TRIM36: variants seen among roughly 807,000 people sequenced by gnomAD.
The protein encoded by TRIM36 is tripartite motif containing 36.
In TRIM36, 42 loss-of-function variants were observed where a neutral mutation model predicts 72.4. The observed-to-expected ratio is 0.58, with a 90% CI of 0.45 to 0.75. The LOEUF (loss-of-function observed/expected upper bound fraction) is 0.75, where lower values mean the gene tolerates loss of function less well. Ranked by LOEUF, TRIM36 falls within the 30% of genes least tolerant of loss-of-function variation. TRIM36 has a pLI of 0.00. For synonymous variants in TRIM36, 315 were observed against 282.8 expected (o/e 1.11, Z -1.14); for missense variants, 913 against 857.1 (o/e 1.07, Z -0.81).
intron 2 of TRIM36, among the ~76,000 whole-genome samples, chr5:115,150,323 TAATTAA>T (rs1311050797): frequency 1.3e-5 from 2 of 152,224 alleles, no homozygotes; most frequent in Non-Finnish European, 2.9e-5. Flanking sequence ...TTTTAAAATT[TAATTAA>T]AATTAAGTAA....
intron 2 of TRIM36, among the ~76,000 whole-genome samples, chr5:115,163,130 T>C (rs1580699026): frequency 6.6e-6 from 1 of 152,102 alleles, no homozygotes; most frequent in African/African-American, 2.4e-5. Flanking sequence ...GCTCATTTTG[T>C]ATTTTTAGTA....
At chr5:115,175,252 A>G (rs1381177645) in intron 1 of TRIM36, among the ~76,000 whole-genome samples, 1 of 152,102 alleles carries the variant, frequency 6.6e-6, no homozygotes, top group African/African-American at 2.4e-5. Flanking sequence ...CACAATGTGG[A>G]TATAAGGTGT....
intron 2 of TRIM36, among the ~76,000 whole-genome samples, chr5:115,155,773 C>A (rs1314408221): frequency 6.6e-6 from 1 of 152,160 alleles, no homozygotes; most frequent in African/African-American, 2.4e-5. Flanking sequence ...GATGCCCACT[C>A]TTACCACCCT....
At chr5:115,136,443 C>A (rs1234235063) in intron 7 of TRIM36, among the ~76,000 whole-genome samples, 1 of 152,274 alleles carries the variant, frequency 6.6e-6, no homozygotes, top group South Asian at 2.1e-4. Flanking sequence ...CAAAATGAAT[C>A]TGTTTTGAGT....
Position 115,133,918 on chromosome 5 carries a change from C to G in TRIM36, c.1440G>C (p.Lys480Asn), listed in dbSNP as rs749484578. ...TGCTGCAAGGACTACAGATTGAACCCTTGTAAGCTCTTACTCTGAAAGCAT... is the reference window on the plus strand; with the variant it reads ...TGCTGCAAGGACTACAGATTGAACCGTTGTAAGCTCTTACTCTGAAAGCAT... ...STYAFRVRAY[K>N]GSICSPCSRE... The change falls in exon 8 of 10, where the codon AAG becomes AAC. Residue 480 changes from lysine to asparagine, a missense_variant. By Grantham distance (94) the Lys-to-Asn change is moderately conservative. Coordinates refer to ENST00000513154, the MANE Select transcript of TRIM36 (RefSeq NM_001300759.2). 6.2e-7 allele frequency: 1 copy of G among 1,613,354 alleles called. No homozygotes were observed. The highest frequency in any genetic ancestry group is 1.1e-5 in the South Asian group (1 of 90,886).
upstream of TRIM36, among the ~76,000 whole-genome samples, chr5:115,172,295 G>T (rs966686330): frequency 6.6e-6 from 1 of 152,080 alleles, no homozygotes; most frequent in Admixed American, 6.5e-5. Flanking sequence ...ATCTAAGAAT[G>T]TTCCTACTGT....
intron 1 of TRIM36, chr5:115,177,976 C>A: frequency 8.4e-7 from 1 of 1,188,100 alleles, no homozygotes; most frequent in Non-Finnish European, 1.2e-6. Context: ...CTGTGATGAA[C>A]CCATTGGTAT....
chr5:115,134,096 G>A lies in TRIM36; in HGVS notation c.1262C>T (p.Ala421Val). ...NEEQSKVYNNALINWHHPEKD... is the reference protein window; with the variant it reads ...NEEQSKVYNNVLINWHHPEKD... ...TTCTGGATGGTGCCAATTTATCAAG[G>A]CATTGTTATAAACTTTGCTCTGTTC... Residue 421 changes from alanine to valine, a missense_variant, in exon 8 of 10, where the codon GCC (alanine) becomes GTC (valine). Transcript: ENST00000513154. The A allele has an allele frequency of 1.9e-6, 3 of 1,612,510 alleles. No individual in the cohort carries two copies. In the South Asian group the frequency reaches 3.3e-5, roughly 18 times the overall value.
Position 115,137,463 on chromosome 5 carries a change from C to T in TRIM36, c.985G>A (p.Gly329Arg). Reference protein sequence around the residue: ...KFQTQMEEYQGLLENNGLVGY... With the variant: ...KFQTQMEEYQRLLENNGLVGY... ...ACAAGTCCATTGTTCTCTAGAAGTC[C>T]CTGGTACTCTTCCATTTGAGTCTGA... The change falls in exon 6 of 10, where the codon GGA becomes AGA. Residue 329 changes from glycine to arginine, a missense_variant. Transcript: ENST00000513154. 6.2e-7 allele frequency: 1 copy of T among 1,614,132 alleles called. No homozygotes were observed. Among genetic ancestry groups the T allele is most frequent in the Non-Finnish European group, 8.5e-7 (1 of 1,180,010 alleles).
chr5:115,151,145 C>T (rs185128373), intron 2 of TRIM36, among the ~76,000 whole-genome samples: 2 of 152,286 alleles, frequency 1.3e-5, no homozygotes, highest in East Asian at 3.9e-4. Flanking sequence ...AGTTCTCAGC[C>T]CTGCTCACCC....
chr5:115,150,970 C>T (rs1162889708), intron 2 of TRIM36, among the ~76,000 whole-genome samples: 3 of 152,198 alleles, frequency 2.0e-5, no homozygotes, highest in African/African-American at 7.2e-5. Flanking sequence ...GAAAAGGCCA[C>T]AGGGAGAAGG....
At chr5:115,179,983 T>G in exon 1 of TRIM36, 1 of 1,614,068 alleles carries the variant, frequency 6.2e-7, no homozygotes, top group Non-Finnish European at 8.5e-7. Context: ...ACCTTGCCTT[T>G]AGCTATCAAT....
chr5:115,127,106 T>A (rs760711998), intron 9 of TRIM36, among the ~76,000 whole-genome samples: 4 of 152,224 alleles, frequency 2.6e-5, no homozygotes, highest in Admixed American at 6.5e-5. Flanking sequence ...TAGAAAATCA[T>A]TGATAATTTT....
chr5:115,166,660 C>T (rs976660074), intron 1 of TRIM36, among the ~76,000 whole-genome samples: 3 of 152,220 alleles, frequency 2.0e-5, no homozygotes, highest in Non-Finnish European at 2.9e-5. Flanking sequence ...GTCAAATACA[C>T]CCTGCTGCTC....
At chr5:115,171,278 T>C (rs968578290), upstream of TRIM36, 1 of 1,606,354 alleles carries the variant, frequency 6.2e-7, no homozygotes, top group Non-Finnish European at 8.5e-7. Context: ...TTTTCTCTAA[T>C]GGAATACCCT....
intron 2 of TRIM36, among the ~76,000 whole-genome samples, chr5:115,161,195 TA>T (rs200394718): frequency 1.8e-4 from 27 of 148,170 alleles, no homozygotes; most frequent in Admixed American, 4.7e-4. Flanking sequence ...TATGTGTCTT[TA>T]AAAAAAAAAA....
rs6899149 is a variant in TRIM36, at chr5:115,152,280, C to T, written c.263-4886G>A. On this transcript the variant is annotated intron_variant, in intron 2 of 9. Coordinates refer to ENST00000513154, the MANE Select transcript of TRIM36 (RefSeq NM_001300759.2). ...AAGTAGAAGAAAGAAATTCAGAGCT[C>T]GAAGACAAAGTCTTCGAACTAACCC... is the stretch of plus-strand genomic sequence containing the variant. Among the ~76,000 whole-genome samples the T allele has an allele frequency of 8.5e-3, 1,294 of 152,018 alleles. 19 individuals are homozygous for T. Among genetic ancestry groups the T allele is most frequent in the African/African-American group, 0.03 (1,251 of 41,454 alleles).
At position 115,144,705 on chromosome 5, in the gene TRIM36, T is replaced by C; in HGVS notation, c.628A>G (p.Met210Val). The C allele has an allele frequency of 2.5e-6, 4 of 1,614,092 alleles. No individual in the cohort carries two copies. Among genetic ancestry groups the C allele is most frequent in the Non-Finnish European group, 2.5e-6 (3 of 1,180,004 alleles). The change falls in exon 4 of 10, where the codon ATG becomes GTG. Residue 210 changes from methionine to valine, a missense_variant. Coordinates refer to ENST00000513154, the MANE Select transcript of TRIM36 (RefSeq NM_001300759.2). ...GGCCTCCTACATAATTCACAGTACA[T>C]GTTTATTCTCTCTGTTTCATGTTCT... Reference protein sequence around the residue: ...CPEHETERINMYCELCRRPVC... With the variant: ...CPEHETERINVYCELCRRPVC...
intron 5 of TRIM36, among the ~76,000 whole-genome samples, chr5:115,138,316 G>C (rs1753077249): frequency 6.6e-6 from 1 of 152,026 alleles, no homozygotes; most frequent in Admixed American, 6.6e-5. Context: ...AGCTAGGATG[G>C]TCTTGATCTC....
Sources: gnomAD v4.1 joint callset for allele counts (sites outside exome capture counted in the v4.1 genomes callset) on GRCh38, gnomAD v4.1.1 for gene constraint, MANE v1.5 for transcripts, NCBI Gene and HGNC (gene_info 2026-07-23, HGNC 2026-07-21) for gene names.